The following MALRD1 variants were observed in gnomAD, a reference collection of about 807,000 sequenced individuals.
MALRD1 encodes MAM and LDL-receptor class A domain-containing protein 1.
Under a neutral mutation model 242.1 loss-of-function variants are expected in MALRD1, and 247 were observed. The ratio of observed to expected loss-of-function variants is 1.02; its 90% CI spans 0.92 to 1.13. MALRD1 has a LOEUF of 1.13. Among genes scored for constraint, MALRD1 ranks in the 50% most tolerant of loss-of-function variants. The pLI, the probability that MALRD1 is intolerant of heterozygous loss-of-function variation, is 0.00. For synonymous variants in MALRD1, 995 were observed against 866.6 expected, an observed-to-expected ratio of 1.15 and a Z score of -2.60; for missense variants, 2,989 against 2,533.1, an observed-to-expected ratio of 1.18 and a Z score of -3.86.
intron 28 of MALRD1, among the ~76,000 whole-genome samples, chr10:19,421,576 G>A (rs1589050126): frequency 6.6e-6 from 1 of 152,120 alleles, no homozygotes; most frequent in African/African-American, 2.4e-5. Context: ...ACACTAAAGA[G>A]TATGAGAAAC....
chr10:19,492,743 A>AT (rs1278146635), intron 30 of MALRD1, among the ~76,000 whole-genome samples: 1 of 152,204 alleles, frequency 6.6e-6, no homozygotes, highest in Non-Finnish European at 1.5e-5. Flanking sequence ...GGCCAAGCAA[A>AT]TAACAAAGTC....
rs149372269 is a variant in MALRD1, at chr10:19,408,909, G to A, written c.4845+19300G>A. 2.6e-3 allele frequency among the ~76,000 whole-genome samples: 397 copies of A among 152,248 alleles called. 1 individual carries two copies. Among genetic ancestry groups the A allele is most frequent in the African/African-American group, 9.0e-3 (375 of 41,536 alleles). On this transcript the variant is annotated intron_variant, in intron 28 of 39. Coordinates refer to ENST00000454679, the MANE Select transcript of MALRD1 (RefSeq NM_001142308.3). ...AACAAATAAACCAAAAACTAAACAT[G>A]CAATACCATATAATCCAGCAGTTGC...
intron 33 of MALRD1, among the ~76,000 whole-genome samples, chr10:19,582,400 TA>T (rs1037772402): frequency 2.0e-5 from 3 of 146,820 alleles, no homozygotes; most frequent in African/African-American, 7.4e-5. Context: ...GATTTTTGTA[TA>T]AGGTGTAAGG....
At chr10:19,238,323 GTATATTATACATAA>G (rs1172010581) in intron 18 of MALRD1, among the ~76,000 whole-genome samples, 14 of 49,162 alleles carry the variant, frequency 2.8e-4, no homozygotes, top group Non-Finnish European at 4.1e-4. Flanking sequence ...TATACATAAT[GTATATTATACATAA>G]TATATTATAC....
At chr10:19,513,893 T>C (rs2131296566) in intron 31 of MALRD1, among the ~76,000 whole-genome samples, 1 of 152,310 alleles carries the variant, frequency 6.6e-6, no homozygotes, top group Non-Finnish European at 1.5e-5. Flanking sequence ...TTAATTCTTG[T>C]TCTACTAGAT....
At chr10:19,591,803 C>T (rs538675416) in intron 33 of MALRD1, among the ~76,000 whole-genome samples, 2 of 152,316 alleles carry the variant, frequency 1.3e-5, no homozygotes, top group African/African-American at 2.4e-5. Flanking sequence ...CATCCGGCCA[C>T]ACTTCTTGAA....
chr10:19,195,034 C>T (rs1464906811), intron 14 of MALRD1, among the ~76,000 whole-genome samples: 1 of 150,868 alleles, frequency 6.6e-6, no homozygotes, highest in Non-Finnish European at 1.5e-5. Context: ...CTGTCCTTAT[C>T]TGTCCTGCCC....
At chr10:19,087,983 T>G in intron 3 of MALRD1, 41 bp from the exon 4 acceptor site, 1 of 1,232,968 alleles carries the variant, frequency 8.1e-7, no homozygotes, top group Non-Finnish European at 1.0e-6. Context: ...ATTTGGGGAC[T>G]TCTTTATCAT....
chr10:19,157,493 C>T (rs1834209512), intron 12 of MALRD1, among the ~76,000 whole-genome samples: 1 of 152,024 alleles, frequency 6.6e-6, no homozygotes, highest in South Asian at 2.1e-4. Flanking sequence ...GTGATTCACC[C>T]ACCTTGGCCT....
chr10:19,444,464 T>A (rs1268376520), intron 28 of MALRD1, among the ~76,000 whole-genome samples: 1 of 152,208 alleles, frequency 6.6e-6, no homozygotes, highest in Non-Finnish European at 1.5e-5. Context: ...TCTTTCCATG[T>A]TTATTGCTTC....
In MALRD1 at chr10:19,387,660, A is replaced by C; in HGVS notation, c.4574A>C (p.Lys1525Thr). ...TGTGGTAGCTCCTGTACTTTTGAAAAAGGCTGGTGTGGCTGGCAAAACTCC... is the reference window on the plus strand; with the variant it reads ...TGTGGTAGCTCCTGTACTTTTGAAACAGGCTGGTGTGGCTGGCAAAACTCC... ...NECGSSCTFE[K>T]GWCGWQNSQA... Residue 1525 changes from lysine to threonine, a missense_variant, in exon 27 of 40, where the codon AAA becomes ACA. Transcript: ENST00000454679. The C allele has an allele frequency of 7.1e-6, 11 of 1,550,418 alleles. No individual in the cohort carries two copies. The highest frequency in any genetic ancestry group is 1.2e-5 in the South Asian group (1 of 84,058).
At position 19,491,567 on chromosome 10, in the gene MALRD1, G is replaced by A. The variant is rs1448214832; in HGVS notation, c.5080G>A (p.Asp1694Asn). ...GGAAATCACTGATTTTTTGTGCCGG[G>A]ACAAGAAGTGCATTGCATCCCACCT... ...CPEITDFLCR[D>N]KKCIASHLLC... Residue 1694 changes from aspartate (D) to asparagine (N), a missense_variant, in exon 30 of 40, where the codon GAC becomes AAC. Coordinates refer to ENST00000454679, the MANE Select transcript of MALRD1 (RefSeq NM_001142308.3). 1.3e-6 allele frequency: 2 copies of A among 1,550,106 alleles called. No homozygotes were observed. Among genetic ancestry groups the A allele is most frequent in the East Asian group, 2.4e-5 (1 of 40,902 alleles).
At chr10:19,636,008 C>A (rs1354770726) in intron 36 of MALRD1, among the ~76,000 whole-genome samples, 2 of 151,916 alleles carry the variant, frequency 1.3e-5, no homozygotes, top group Non-Finnish European at 2.9e-5. Flanking sequence ...TCAAGCAATT[C>A]TCCTGCCTCA....
chr10:19,193,760 T>C (rs72786514), intron 14 of MALRD1, among the ~76,000 whole-genome samples: 11,389 of 152,060 alleles, frequency 0.075, 485 homozygotes, highest in Middle Eastern at 0.11. Flanking sequence ...AAAATATTCA[T>C]ATTTTGGCTC....
chr10:19,159,072 G>A (rs2131479868), intron 12 of MALRD1, among the ~76,000 whole-genome samples: 1 of 152,228 alleles, frequency 6.6e-6, no homozygotes, highest in East Asian at 1.9e-4. Context: ...GTATATCAAA[G>A]CACATAAAGA....
At chr10:19,341,317 A>G (rs967155864) in intron 24 of MALRD1, among the ~76,000 whole-genome samples, 6 of 151,576 alleles carry the variant, frequency 4.0e-5, no homozygotes, top group Admixed American at 2.6e-4. Flanking sequence ...CATTTTTTCT[A>G]GTTTCTTGGG....
intron 21 of MALRD1, among the ~76,000 whole-genome samples, chr10:19,322,208 A>G (rs1842937133): frequency 6.6e-6 from 1 of 152,074 alleles, no homozygotes; most frequent in African/African-American, 2.4e-5. Flanking sequence ...TGTTGCCTCT[A>G]TGTATCTGGA....
intron 29 of MALRD1, among the ~76,000 whole-genome samples, chr10:19,482,965 TA>T (rs1443860989): frequency 6.6e-6 from 1 of 151,790 alleles, no homozygotes; most frequent in Non-Finnish European, 1.5e-5. Flanking sequence ...TATGGAACCA[TA>T]AAAGAGCCCA....
chr10:19,311,811 T>C (rs1208511181), intron 21 of MALRD1, among the ~76,000 whole-genome samples: 1 of 151,478 alleles, frequency 6.6e-6, no homozygotes, highest in East Asian at 1.9e-4. Context: ...ATTTAAACTG[T>C]TAAAGCTTGT....
Sources: gnomAD v4.1 joint callset for allele counts (sites outside exome capture counted in the v4.1 genomes callset) on GRCh38, gnomAD v4.1.1 for gene constraint, MANE v1.5 for transcripts, NCBI Gene and HGNC (gene_info 2026-07-23, HGNC 2026-07-21) for gene names.